The following SCN10A variants were observed in gnomAD, a reference collection of about 807,000 sequenced individuals.
SCN10A encodes sodium voltage-gated channel alpha subunit 10, also known as sodium channel protein type 10 subunit alpha.
SCN10A carries 162 observed loss-of-function variants against 170.7 expected under a neutral mutation model. The observed-to-expected ratio is 0.95, with a 90% CI of 0.84 to 1.08. SCN10A has a LOEUF of 1.08. Ranked by LOEUF, SCN10A falls within the 50% of genes least tolerant of loss-of-function variation. The pLI is 0.00. For missense variants in SCN10A, 2,527 were observed against 2,436.9 expected (o/e 1.04, Z -0.78); for synonymous variants, 985 against 904.6 (o/e 1.09, Z -1.59).
chr3:38,720,894 G>A (rs979165325), intron 20 of SCN10A, among the ~76,000 whole-genome samples: 2 of 152,196 alleles, frequency 1.3e-5, no homozygotes, highest in African/African-American at 2.4e-5. Flanking sequence ...AGAAAGCACT[G>A]CCCAGCCCTC....
intron 1 of SCN10A, among the ~76,000 whole-genome samples, chr3:38,810,462 C>G (rs138260535): frequency 7.6e-4 from 115 of 152,272 alleles, no homozygotes; most frequent in African/African-American, 2.5e-3. Flanking sequence ...TTCTAGATGG[C>G]AAATTTGGAC....
intron 6 of SCN10A, among the ~76,000 whole-genome samples, chr3:38,762,229 C>A (rs975742935): frequency 1.6e-4 from 25 of 152,162 alleles, no homozygotes; most frequent in African/African-American, 5.8e-4. Context: ...ATGTGTCAGT[C>A]CCTGGACTGG....
chr3:38,743,725 T>C (rs2063657844), intron 13 of SCN10A, among the ~76,000 whole-genome samples: 1 of 152,218 alleles, frequency 6.6e-6, no homozygotes, highest in Non-Finnish European at 1.5e-5. Flanking sequence ...TTTCTGTTTT[T>C]GTCTCCCTTT....
At chr3:38,708,287 A>G (rs2063232062) in intron 25 of SCN10A, among the ~76,000 whole-genome samples, 1 of 152,154 alleles carries the variant, frequency 6.6e-6, no homozygotes, top group Non-Finnish European at 1.5e-5. Context: ...CCAAGGATTC[A>G]GTAGATGCAG....
chr3:38,712,297 A>G lies in SCN10A; in HGVS notation c.3953T>C (p.Phe1318Ser). 6.2e-7 allele frequency: 1 copy of G among 1,614,204 alleles called. No homozygotes were observed. The highest frequency in any genetic ancestry group is 1.1e-5 in the South Asian group (1 of 91,086). The change falls in exon 23 of 28, where the codon TTT (phenylalanine) becomes TCT (serine). Residue 1318 changes from phenylalanine (F) to serine (S), a missense_variant. Coordinates refer to ENST00000449082, the MANE Select transcript of SCN10A (RefSeq NM_006514.4). ...WRCINYTDGE[F>S]SLVPLSIVNN... ...CACAATCGACAAAGGTACAAGGGAAAACTCTCCATCGGTATAGTTGATGCA... is the reference window on the plus strand; with the variant it reads ...CACAATCGACAAAGGTACAAGGGAAGACTCTCCATCGGTATAGTTGATGCA...
chr3:38,778,389 C>T (rs920730158), intron 4 of SCN10A, among the ~76,000 whole-genome samples: 9 of 151,804 alleles, frequency 5.9e-5, no homozygotes, highest in Non-Finnish European at 4.4e-5. Context: ...CAATTTTTGA[C>T]CCCCTGCTCT....
rs542509395 is a variant in SCN10A, at chr3:38,709,768, G to A, written c.4144-153C>T. ...AATGAGGGAGTGGGGAAGAATAAGCGGGAATGGGAGAAGAGCCTGTGAAGA... is the reference window on the plus strand; with the variant it reads ...AATGAGGGAGTGGGGAAGAATAAGCAGGAATGGGAGAAGAGCCTGTGAAGA... On this transcript the variant is annotated intron_variant, in intron 24 of 27. Coordinates refer to ENST00000449082, the MANE Select transcript of SCN10A (RefSeq NM_006514.4). Among the ~76,000 whole-genome samples the A allele has an allele frequency of 2.8e-4, 43 of 152,298 alleles. 1 individual carries two copies. Among genetic ancestry groups the A allele is most frequent in the African/African-American group, 9.9e-4 (41 of 41,554 alleles).
intron 4 of SCN10A, among the ~76,000 whole-genome samples, chr3:38,774,097 A>G (rs2064042129): frequency 6.6e-6 from 1 of 152,210 alleles, no homozygotes; most frequent in African/African-American, 2.4e-5. Context: ...CAAGTTAAAA[A>G]GTGAATAATT....
In SCN10A at chr3:38,697,862, G is replaced by A. The variant is rs188413410; in HGVS notation, c.5358C>T (p.Ile1786=). The change falls in exon 28 of 28, where the codon ATC becomes ATT. Residue 1786 remains isoleucine (I), a synonymous_variant. Transcript: ENST00000449082. ...RIPKPNRNIL[I]QMDLPLVPGD... ...CAGGGACCAAAGGCAGGTCCATCTG[G>A]ATCAGTATATTTCGATTGGGTTTTG... is the stretch of plus-strand genomic sequence containing the variant. 793 of 1,614,134 alleles carry A rather than the reference G, an allele frequency of 4.9e-4. 1 individual carries two copies. Among genetic ancestry groups the A allele is most frequent in the Admixed American group, 1.4e-3 (85 of 60,018 alleles).
At chr3:38,792,552 GT>G (rs1446130613) in intron 2 of SCN10A, among the ~76,000 whole-genome samples, 2 of 152,190 alleles carry the variant, frequency 1.3e-5, no homozygotes, top group Non-Finnish European at 2.9e-5. Flanking sequence ...TCCTTGTTTT[GT>G]AATGTTTCTT....
At position 38,728,917 on chromosome 3, in the gene SCN10A, G is replaced by A; in HGVS notation, c.2281-16C>T. The A allele has an allele frequency of 1.3e-6, 2 of 1,590,936 alleles. No homozygotes were observed. The highest frequency in any genetic ancestry group is 1.7e-6 in the Non-Finnish European group (2 of 1,165,572). ...ATACGCGCAGCTGCAGAGAAACAGA[G>A]ACCGTCAGGTTTTGGTAGCTGTGCT... On this transcript the variant is annotated splice_polypyrimidine_tract_variant and intron_variant, in intron 15 of 27. Transcript: ENST00000449082.
At chr3:38,806,488 G>A (rs917862243) in intron 1 of SCN10A, among the ~76,000 whole-genome samples, 1 of 152,142 alleles carries the variant, frequency 6.6e-6, no homozygotes, top group African/African-American at 2.4e-5. Flanking sequence ...CAGAGAGATA[G>A]TGTGGTTTTG....
intron 21 of SCN10A, among the ~76,000 whole-genome samples, chr3:38,717,772 C>A (rs1044232396): frequency 6.6e-6 from 1 of 152,236 alleles, no homozygotes; most frequent in African/African-American, 2.4e-5. Flanking sequence ...CAGAGACCAA[C>A]ACAGCACATG....
chr3:38,737,002 G>A (rs1453812246), intron 15 of SCN10A, among the ~76,000 whole-genome samples: 4 of 59,682 alleles, frequency 6.7e-5, no homozygotes, highest in Non-Finnish European at 9.3e-5. Flanking sequence ...ACGGAGTCCC[G>A]CTGTTTAGCC....
chr3:38,798,436 C>T (rs533159223), intron 1 of SCN10A, among the ~76,000 whole-genome samples: 24 of 152,242 alleles, frequency 1.6e-4, no homozygotes, highest in African/African-American at 4.3e-4. Context: ...CAGATAGTGA[C>T]GGCTATAGTC....
chr3:38,787,231 T>G (rs1441447389), intron 4 of SCN10A, among the ~76,000 whole-genome samples: 1 of 152,138 alleles, frequency 6.6e-6, no homozygotes, highest in Non-Finnish European at 1.5e-5. Context: ...CTTATAGAGA[T>G]CTCACTTATA....
chr3:38,706,551 T>C (rs939297820), intron 26 of SCN10A, among the ~76,000 whole-genome samples: 1 of 152,220 alleles, frequency 6.6e-6, no homozygotes, highest in Non-Finnish European at 1.5e-5. Context: ...CCAAACCTGT[T>C]CATCCATTCC....
At chr3:38,789,140 A>G in intron 3 of SCN10A, 104 bp from the exon 4 acceptor site, 1 of 728,358 alleles carries the variant, frequency 1.4e-6, no homozygotes, top group East Asian at 2.6e-5. Context: ...CTTAGCCAAT[A>G]TTAGCTTTAT....
At chr3:38,735,259 T>C (rs948257128) in intron 15 of SCN10A, among the ~76,000 whole-genome samples, 15 of 151,686 alleles carry the variant, frequency 9.9e-5, no homozygotes, top group African/African-American at 3.4e-4. Flanking sequence ...ATTTAAAACA[T>C]TGTATAGATA....
Sources: gnomAD v4.1 joint callset for allele counts (sites outside exome capture counted in the v4.1 genomes callset) on GRCh38, gnomAD v4.1.1 for gene constraint, MANE v1.5 for transcripts, NCBI Gene and HGNC (gene_info 2026-07-23, HGNC 2026-07-21) for gene names.